Variants in KHDRBS2 observed in about 807,000 individuals in gnomAD.
KHDRBS2 encodes the protein KH RNA binding domain containing, signal transduction associated 2, also known as KH domain-containing, RNA-binding, signal transduction-associated protein 2.
KHDRBS2 carries 26 observed loss-of-function variants against 44.3 expected under a neutral mutation model. The observed-to-expected ratio is 0.59, with a 90% CI of 0.43 to 0.81. The LOEUF is 0.81. Ranked by LOEUF, KHDRBS2 falls within the 40% of genes least tolerant of loss-of-function variation. KHDRBS2 has a pLI of 0.00. For missense variants in KHDRBS2, 476 were observed against 433.1 expected, an observed-to-expected ratio of 1.10 and a Z score of -0.88; for synonymous variants, 194 against 151.1, an observed-to-expected ratio of 1.28 and a Z score of -2.08.
intron 3 of KHDRBS2, among the ~76,000 whole-genome samples, chr6:61,995,743 G>T (rs1258857423): frequency 6.6e-6 from 1 of 151,636 alleles, no homozygotes; most frequent in Admixed American, 6.6e-5. Context: ...TATGAGGAGG[G>T]TAATTAGCAC....
intron 6 of KHDRBS2, among the ~76,000 whole-genome samples, chr6:61,822,277 C>T (rs577396153): frequency 1.8e-3 from 268 of 152,038 alleles, no homozygotes; most frequent in African/African-American, 5.9e-3. Context: ...GTAGCCTATC[C>T]CAGCAAATTA....
At chr6:61,734,028 A>AC (rs1402452387) in intron 6 of KHDRBS2, among the ~76,000 whole-genome samples, 2 of 152,198 alleles carry the variant, frequency 1.3e-5, no homozygotes, top group Non-Finnish European at 2.9e-5. Context: ...AATCTTTGAC[A>AC]TTAGTCTTGA....
At chr6:61,545,105 G>A in the KHDRBS2 span, among the ~76,000 whole-genome samples, 6 of 151,974 alleles carry the variant, frequency 3.9e-5, no homozygotes, top group Admixed American at 1.3e-4. Context: ...AAAAATTTGA[G>A]TAGGAAGCTG....
chr6:62,285,823 G>C, intron 1 of KHDRBS2, 35 bp downstream of exon 1: 1 of 1,491,842 alleles, frequency 6.7e-7, no homozygotes, highest in Non-Finnish European at 9.3e-7. Context: ...ATAGGCAGCC[G>C]GCGGTTTGTG....
the KHDRBS2 span, among the ~76,000 whole-genome samples, chr6:61,551,523 T>C: frequency 6.6e-6 from 1 of 152,166 alleles, no homozygotes; most frequent in South Asian, 2.1e-4. Flanking sequence ...CTGTAATCCA[T>C]CTTGAGTTGA....
At chr6:61,630,304 T>A in the KHDRBS2 span, 1 of 152,182 alleles carries the variant, frequency 6.6e-6, no homozygotes, top group African/African-American at 2.4e-5. Context: ...AGACTATCTT[T>A]GAATCAAAGT....
chr6:61,594,070 A>T, the KHDRBS2 span, among the ~76,000 whole-genome samples: 1 of 152,112 alleles, frequency 6.6e-6, no homozygotes. Context: ...ATAAAATAAG[A>T]ATAATCCCAA....
chr6:61,543,805 T>A, the KHDRBS2 span, among the ~76,000 whole-genome samples: 1 of 152,034 alleles, frequency 6.6e-6, no homozygotes, highest in Non-Finnish European at 1.5e-5. Flanking sequence ...TGCAATACCA[T>A]GGATGGAGCT....
chr6:61,897,031 C>A (rs891151859), intron 5 of KHDRBS2, among the ~76,000 whole-genome samples: 1 of 152,160 alleles, frequency 6.6e-6, no homozygotes, highest in African/African-American at 2.4e-5. Context: ...AGTTTCTATC[C>A]TCGATCTCAT....
intron 6 of KHDRBS2, among the ~76,000 whole-genome samples, chr6:61,782,323 GA>G (rs1303782864): frequency 2.0e-5 from 3 of 152,036 alleles, no homozygotes; most frequent in Non-Finnish European, 4.4e-5. Flanking sequence ...ATGGGTTTAA[GA>G]TCAACCAACT....
rs398001756 is a variant in KHDRBS2, at chr6:62,059,198, G to GTTTTTTTTTTTTTTTTT, written c.220-11221_220-11205dup. Among the ~76,000 whole-genome samples, 138 of 24,886 alleles carry GTTTTTTTTTTTTTTTTT rather than the reference G, an allele frequency of 5.5e-3. 56 individuals carry two copies. The highest frequency in any genetic ancestry group is 0.011 in the East Asian group (5 of 466). 16.3% of individuals were successfully genotyped at this position (24,886 alleles called of 152,430 possible). A position where few individuals can be genotyped will look rare whatever the true frequency, so the allele number is the denominator to read the frequency against. On this transcript the variant is annotated intron_variant, in intron 2 of 8. Coordinates refer to ENST00000281156, the MANE Select transcript of KHDRBS2 (RefSeq NM_152688.4). ...TATTTCCACATAGAAAAGTTAGGAA[G>GTTTTTTTTTTTTTTTTT]TTTTTTTTTTTTTTTTTTTTTTTTT... is the stretch of plus-strand genomic sequence containing the variant.
chr6:61,677,871 C>T (rs184697440), downstream of KHDRBS2, among the ~76,000 whole-genome samples: 253 of 151,968 alleles, frequency 1.7e-3, no homozygotes, highest in African/African-American at 5.8e-3. Context: ...TTCCTCACAG[C>T]GAATGAGCTA....
intron 1 of KHDRBS2, among the ~76,000 whole-genome samples, chr6:62,274,160 T>G (rs1408492542): frequency 1.3e-5 from 2 of 152,116 alleles, no homozygotes; most frequent in African/African-American, 4.8e-5. Context: ...GGTCTTGAAC[T>G]CCTGACCTCG....
intron 2 of KHDRBS2, among the ~76,000 whole-genome samples, chr6:62,157,305 G>T (rs1419955900): frequency 6.6e-6 from 1 of 151,678 alleles, no homozygotes; most frequent in Non-Finnish European, 1.5e-5. Flanking sequence ...GCAGCCTGAG[G>T]ACAGAACGAG....
At chr6:61,626,991 C>T in the KHDRBS2 span, among the ~76,000 whole-genome samples, 5 of 151,976 alleles carry the variant, frequency 3.3e-5, no homozygotes, top group Admixed American at 1.3e-4. Context: ...CGGTGGCTCA[C>T]GCCTGTAATC....
intron 6 of KHDRBS2, among the ~76,000 whole-genome samples, chr6:61,733,834 C>T (rs924496902): frequency 4.0e-5 from 6 of 151,612 alleles, no homozygotes; most frequent in African/African-American, 1.2e-4. Context: ...ACTAGCCATC[C>T]GTCTCGATTA....
chr6:61,575,594 T>A, the KHDRBS2 span, among the ~76,000 whole-genome samples: 93,589 of 151,988 alleles, frequency 0.62, 29,035 homozygotes, highest in Non-Finnish European at 0.65. Flanking sequence ...CATCCAGAAG[T>A]CTCACTACTG....
At chr6:62,114,332 T>G (rs1296052167) in intron 2 of KHDRBS2, among the ~76,000 whole-genome samples, 1 of 152,112 alleles carries the variant, frequency 6.6e-6, no homozygotes. Context: ...TAAATAGGAG[T>G]TAATAGGGCT....
At chr6:62,210,327 CT>C (rs70996209) in intron 1 of KHDRBS2, among the ~76,000 whole-genome samples, 52,117 of 122,016 alleles carry the variant, frequency 0.43, 11,165 homozygotes, top group Non-Finnish European at 0.53. Context: ...TTCTAGCATT[CT>C]TTTTTTTTTT....
Sources: allele counts gnomAD v4.1 joint callset (sites outside exome capture counted in the v4.1 genomes callset), GRCh38; gene constraint gnomAD v4.1.1; transcripts MANE v1.5; gene names NCBI Gene and HGNC (gene_info 2026-07-23, HGNC 2026-07-21).